GABRG2: variants seen among roughly 807,000 people sequenced by gnomAD.
GABRG2 encodes gamma-aminobutyric acid type A receptor subunit gamma2.
GABRG2 carries 16 observed loss-of-function variants against 56.4 expected under a neutral mutation model. That is an observed-to-expected ratio of 0.28 (90% CI 0.19 to 0.43). The LOEUF (loss-of-function observed/expected upper bound fraction) is 0.43, where lower values mean the gene tolerates loss of function less well. Among genes scored for constraint, GABRG2 ranks in the 20% least tolerant of loss-of-function variants. The pLI is 1.00. For synonymous variants in GABRG2, 208 were observed against 205.5 expected (o/e 1.01, Z -0.10); for missense variants, 327 against 582.7 (o/e 0.56, Z 4.52).
rs753381913 is a variant in GABRG2, at chr5:162,093,976, G to A, written c.256G>A (p.Gly86Arg). Residue 86 changes from glycine to arginine, a missense_variant, in exon 2 of 10, where the codon GGA becomes AGA. Transcript: ENST00000639213. ...GYDNKLRPDI[G>R]VKPTLIHTDM... is the part of the protein sequence containing the mutation. ...TGACAATAAACTTCGGCCTGATATA[G>A]GAGGTTTGTTAAAGTCTTTTGCGTT... 1 of 1,613,126 alleles carries A rather than the reference G, an allele frequency of 6.2e-7. No individual in the cohort carries two copies. The highest frequency in any genetic ancestry group is 1.1e-5 in the South Asian group (1 of 91,080).
chr5:162,085,558 C>CA (rs561317845), intron 1 of GABRG2, among the ~76,000 whole-genome samples: 16,693 of 135,390 alleles, frequency 0.12, 1,186 homozygotes, highest in Middle Eastern at 0.21. Flanking sequence ...TTTTTTTCTT[C>CA]TTTTTTTTTT....
intron 6 of GABRG2, among the ~76,000 whole-genome samples, chr5:162,136,855 G>C (rs1232113246): frequency 5.9e-5 from 9 of 152,180 alleles, no homozygotes; most frequent in Non-Finnish European, 2.9e-5. Flanking sequence ...GCATGTGTCT[G>C]TTATATGAGA....
At chr5:162,068,855 A>T (rs1758443469) in intron 1 of GABRG2, among the ~76,000 whole-genome samples, 1 of 152,132 alleles carries the variant, frequency 6.6e-6, no homozygotes, top group Non-Finnish European at 1.5e-5. Flanking sequence ...CCTCCTTGAT[A>T]TGGGAAGGGG....
At chr5:162,072,353 T>C (rs1269367288) in intron 1 of GABRG2, among the ~76,000 whole-genome samples, 1 of 152,032 alleles carries the variant, frequency 6.6e-6, no homozygotes, top group African/African-American at 2.4e-5. Context: ...ACTGGAATTA[T>C]ACATACTTAT....
intron 6 of GABRG2, among the ~76,000 whole-genome samples, chr5:162,126,264 G>A (rs542620174): frequency 1.9e-4 from 29 of 152,000 alleles, no homozygotes; most frequent in South Asian, 4.1e-4. Flanking sequence ...TGAAGAAGTC[G>A]TACTTGTGAT....
intron 1 of GABRG2, among the ~76,000 whole-genome samples, chr5:162,088,592 G>A (rs1258508582): frequency 2.0e-5 from 3 of 152,046 alleles, no homozygotes; most frequent in African/African-American, 7.2e-5. Flanking sequence ...TTGGACTCAG[G>A]CATAAATTAA....
At chr5:162,101,108 G>A in intron 4 of GABRG2, 127 bp from the exon 5 acceptor site, 2 of 721,682 alleles carry the variant, frequency 2.8e-6, no homozygotes, top group Non-Finnish European at 4.9e-6. Context: ...TCTTCATTGG[G>A]GATCACTCTG....
At chr5:162,128,913 C>T (rs963463620) in intron 6 of GABRG2, among the ~76,000 whole-genome samples, 1 of 151,922 alleles carries the variant, frequency 6.6e-6, no homozygotes, top group Non-Finnish European at 1.5e-5. Context: ...TTATGTGACC[C>T]TGGGTATATA....
chr5:162,105,673 G>A (rs905570464), intron 6 of GABRG2, among the ~76,000 whole-genome samples: 9 of 151,554 alleles, frequency 5.9e-5, no homozygotes, highest in South Asian at 2.1e-4. Context: ...CTTGTGATCC[G>A]CCTGCCTCAG....
intron 1 of GABRG2, among the ~76,000 whole-genome samples, chr5:162,078,879 A>C (rs1421962286): frequency 1.3e-5 from 2 of 151,800 alleles, no homozygotes; most frequent in Admixed American, 1.3e-4. Flanking sequence ...TTAAAGCCTG[A>C]AATAATAAAA....
At chr5:162,132,888 A>C (rs771888686) in intron 6 of GABRG2, among the ~76,000 whole-genome samples, 1 of 152,076 alleles carries the variant, frequency 6.6e-6, no homozygotes, top group Non-Finnish European at 1.5e-5. Flanking sequence ...CATTAAGTAC[A>C]TATAAAAGAA....
At chr5:162,138,528 C>T (rs528206448) in intron 6 of GABRG2, among the ~76,000 whole-genome samples, 131 of 152,200 alleles carry the variant, frequency 8.6e-4, no homozygotes, top group African/African-American at 2.8e-3. Flanking sequence ...TCTTAATCTC[C>T]GCATTACCTA....
intron 1 of GABRG2, among the ~76,000 whole-genome samples, chr5:162,079,545 A>T (rs894589438): frequency 9.2e-5 from 14 of 152,092 alleles, no homozygotes; most frequent in East Asian, 3.9e-4. Flanking sequence ...GCTGCTGAAG[A>T]TATAGTGCTG....
intron 6 of GABRG2, among the ~76,000 whole-genome samples, chr5:162,107,350 T>C (rs1396527720): frequency 2.0e-5 from 3 of 152,164 alleles, no homozygotes; most frequent in Admixed American, 6.5e-5. Context: ...CTCTTACACT[T>C]TAAGTGCATA....
chr5:162,105,814 TACAC>T lies in GABRG2; in HGVS notation c.769+1815_769+1818del, dbSNP rs67276484. On this transcript the variant is annotated intron_variant, in intron 6 of 9. Transcript: ENST00000639213. The stretch of plus-strand genomic sequence containing the variant: ...TCTTCCATTGGCGAAAGAAAACACA[TACAC>T]ACACACACACACACACACACACACA... 1.0e-3 allele frequency among the ~76,000 whole-genome samples: 150 copies of T among 147,574 alleles called. No individual in the cohort carries two copies. The South Asian group carries it at 0.014, about 14-fold the overall frequency.
intron 6 of GABRG2, among the ~76,000 whole-genome samples, chr5:162,107,399 G>C (rs944511421): frequency 1.3e-5 from 2 of 152,160 alleles, no homozygotes; most frequent in African/African-American, 4.8e-5. Flanking sequence ...TTGAAAAAGA[G>C]AGAGAGAGAA....
rs112583467 is a variant in GABRG2 at position 162,138,806 on chromosome 5, A to C, written c.770-3358A>C. Among the ~76,000 whole-genome samples, 1,347 of 152,272 alleles carry C rather than the reference A, an allele frequency of 8.8e-3. 14 individuals are homozygous for C. The highest frequency in any genetic ancestry group is 0.03 in the African/African-American group (1,232 of 41,554). ...ATAATATATGCAAACCATTCAGCCC[A>C]GTGTCTACACATAGTAGGCTTTCAT... On this transcript the variant is annotated intron_variant, in intron 6 of 9. Transcript: ENST00000639213.
At chr5:162,113,237 G>T (rs1762381223) in intron 6 of GABRG2, among the ~76,000 whole-genome samples, 1 of 152,126 alleles carries the variant, frequency 6.6e-6, no homozygotes, top group Non-Finnish European at 1.5e-5. Context: ...ACCATGCCCA[G>T]CCTGGTTTGT....
intron 1 of GABRG2, 57 bp from the exon 2 acceptor site, chr5:162,093,771 A>G: frequency 1.3e-6 from 2 of 1,517,884 alleles, no homozygotes; most frequent in Non-Finnish European, 1.8e-6. Context: ...TGGTCTGTGG[A>G]TAAAAGTCAA....
Sources: allele counts gnomAD v4.1 joint callset (sites outside exome capture counted in the v4.1 genomes callset), GRCh38; gene constraint gnomAD v4.1.1; transcripts MANE v1.5; gene names NCBI Gene and HGNC (gene_info 2026-07-23, HGNC 2026-07-21).